Variants in ARHGAP44 observed in about 807,000 individuals in gnomAD.
ARHGAP44 encodes Rho GTPase activating protein 44, also known as rho GTPase-activating protein 44.
A neutral mutation model predicts 106.8 loss-of-function variants in ARHGAP44; 43 were observed. That is an observed-to-expected ratio of 0.40 (90% CI 0.32 to 0.52). The LOEUF is 0.52. Among genes scored for constraint, ARHGAP44 ranks in the 20% least tolerant of loss-of-function variants. The pLI is 0.48. For missense variants in ARHGAP44, 866 were observed against 1,050.5 expected (o/e 0.82, Z 2.43); for synonymous variants, 439 against 410.3 (o/e 1.07, Z -0.85).
intron 1 of ARHGAP44, among the ~76,000 whole-genome samples, chr17:12,841,631 C>A (rs1369827427): frequency 5.6e-5 from 6 of 106,378 alleles, no homozygotes; most frequent in Admixed American, 1.7e-4. Flanking sequence ...CACACACACA[C>A]ACACACACAA....
rs756061243 is a variant in ARHGAP44, at chr17:12,980,242, C to T, written c.1939+9C>T. ...TCACACCCTCCGGAAAGGTATGGCC[C>T]TGCTTCCCTTCTCCTTGGTCTCAGG... On this transcript the variant is annotated intron_variant, in intron 19 of 20. Coordinates refer to ENST00000379672, the MANE Select transcript of ARHGAP44 (RefSeq NM_014859.6). 4.4e-6 allele frequency: 7 copies of T among 1,599,072 alleles called. No individual in the cohort carries two copies. The highest frequency in any genetic ancestry group is 6.0e-6 in the Non-Finnish European group (7 of 1,172,042).
At chr17:12,938,203 T>C (rs2038604257) in intron 7 of ARHGAP44, among the ~76,000 whole-genome samples, 1 of 152,164 alleles carries the variant, frequency 6.6e-6, no homozygotes, top group South Asian at 2.1e-4. Context: ...CAAGAAGACA[T>C]TATAAAATTG....
chr17:12,789,709 C>T lies in ARHGAP44; in HGVS notation c.-130C>T, dbSNP rs1056401696. On this transcript the variant is annotated 5_prime_UTR_variant, in exon 1 of 21. Transcript: ENST00000379672. ...AGGGAGCTGCGCGCGGGCCAGACGG[C>T]GCCCGGAGGCTCCGCAGTGCCGCCG... The T allele has an allele frequency of 3.9e-6, 3 of 770,994 alleles. No homozygotes were observed. The highest frequency in any genetic ancestry group is 4.4e-5 in the Admixed American group (1 of 22,580). The allele number at this position is 770,994 out of a possible 1,614,324, so 47.8% of individuals were successfully genotyped here.
intron 1 of ARHGAP44, among the ~76,000 whole-genome samples, chr17:12,875,695 G>A (rs185435058): frequency 1.4e-4 from 21 of 152,312 alleles, no homozygotes; most frequent in African/African-American, 4.3e-4. Flanking sequence ...TGTAATCCCA[G>A]CACTTTGGGA....
rs114693973 is a variant in ARHGAP44, at chr17:12,929,746, A to G, written c.582+700A>G. Among the ~76,000 whole-genome samples the G allele has an allele frequency of 4.4e-3, 673 of 152,276 alleles. 6 individuals are homozygous for G. Among genetic ancestry groups the G allele is most frequent in the African/African-American group, 0.015 (614 of 41,552 alleles). On this transcript the variant is annotated intron_variant, in intron 7 of 20. Coordinates refer to ENST00000379672, the MANE Select transcript of ARHGAP44 (RefSeq NM_014859.6). ...TGCATATATGTCAGCTTGGGTTTCTAAGGAAACCAAAACTCTATTTAGACC... is the reference window on the plus strand; with the variant it reads ...TGCATATATGTCAGCTTGGGTTTCTGAGGAAACCAAAACTCTATTTAGACC...
chr17:12,891,960 T>C (rs2037061923), intron 1 of ARHGAP44, among the ~76,000 whole-genome samples: 1 of 118,530 alleles, frequency 8.4e-6, no homozygotes, highest in Non-Finnish European at 1.7e-5. Context: ...CACGCCCGGC[T>C]AATTTTTTGT....
intron 3 of ARHGAP44, 126 bp downstream of exon 3, chr17:12,896,637 G>C: frequency 2.6e-6 from 2 of 775,062 alleles, no homozygotes; most frequent in South Asian, 3.4e-5. Context: ...TGACTCAGCA[G>C]CTCTAGCTGC....
intron 7 of ARHGAP44, among the ~76,000 whole-genome samples, chr17:12,932,698 GTTTC>G (rs1259223348): frequency 2.0e-5 from 3 of 149,080 alleles, no homozygotes; most frequent in Admixed American, 6.7e-5. Context: ...TGAGGTAGGG[GTTTC>G]TTTCTTTCTT....
intron 1 of ARHGAP44, among the ~76,000 whole-genome samples, chr17:12,793,560 T>C (rs902912287): frequency 6.6e-6 from 1 of 152,016 alleles, no homozygotes; most frequent in Non-Finnish European, 1.5e-5. Context: ...ATACAAAAAT[T>C]AGCTGGGCAT....
intron 18 of ARHGAP44, among the ~76,000 whole-genome samples, chr17:12,976,227 C>G (rs1378369264): frequency 6.6e-6 from 1 of 152,086 alleles, no homozygotes; most frequent in African/African-American, 2.4e-5. Flanking sequence ...CACACCATCA[C>G]CACCAGCACA....
At chr17:12,828,636 CTTTTTTT>C (rs34860101) in intron 1 of ARHGAP44, among the ~76,000 whole-genome samples, 4 of 93,268 alleles carry the variant, frequency 4.3e-5, no homozygotes, top group Admixed American at 1.2e-4. Context: ...TTTTTTCTTT[CTTTTTTT>C]TTTTTTTTTT....
intron 16 of ARHGAP44, among the ~76,000 whole-genome samples, chr17:12,965,983 T>C (rs1370951967): frequency 6.6e-6 from 1 of 152,010 alleles, no homozygotes; most frequent in African/African-American, 2.4e-5. Flanking sequence ...TGAGACATCA[T>C]CTATACAAAC....
intron 19 of ARHGAP44, among the ~76,000 whole-genome samples, chr17:12,983,318 T>G (rs1159600549): frequency 6.7e-6 from 1 of 150,224 alleles, no homozygotes; most frequent in Non-Finnish European, 1.5e-5. Context: ...CAGTCCTCAC[T>G]TAAGCCTAAC....
intron 1 of ARHGAP44, among the ~76,000 whole-genome samples, chr17:12,876,167 C>G (rs2036551401): frequency 6.6e-6 from 1 of 152,208 alleles, no homozygotes; most frequent in East Asian, 1.9e-4. Context: ...TGTCCTAAGT[C>G]ATCCCAGGGC....
intron 1 of ARHGAP44, among the ~76,000 whole-genome samples, chr17:12,803,095 C>T (rs1178234194): frequency 1.3e-5 from 2 of 149,752 alleles, no homozygotes; most frequent in African/African-American, 4.9e-5. Context: ...GCCTCAGCCT[C>T]CCGAGTAGCT....
intron 16 of ARHGAP44, among the ~76,000 whole-genome samples, chr17:12,959,954 A>AT (rs1215146781): frequency 6.6e-6 from 1 of 152,230 alleles, no homozygotes; most frequent in Non-Finnish European, 1.5e-5. Flanking sequence ...AAGGTTGAAA[A>AT]TCCAAGAACT....
intron 18 of ARHGAP44, among the ~76,000 whole-genome samples, chr17:12,979,784 C>G (rs2039784803): frequency 6.6e-6 from 1 of 152,206 alleles, no homozygotes; most frequent in Admixed American, 6.5e-5. Flanking sequence ...TCACGGTCTC[C>G]TTGAAGAGAG....
intron 18 of ARHGAP44, among the ~76,000 whole-genome samples, chr17:12,978,527 A>G (rs1270062094): frequency 2.0e-5 from 3 of 148,196 alleles, no homozygotes; most frequent in Non-Finnish European, 3.0e-5. Context: ...CTTTGACGCT[A>G]TGGGCTTCCC....
At chr17:12,909,764 AG>A (rs532846202) in intron 4 of ARHGAP44, among the ~76,000 whole-genome samples, 28 of 152,280 alleles carry the variant, frequency 1.8e-4, no homozygotes, top group Admixed American at 3.3e-4. Flanking sequence ...ATAGGGAGAA[AG>A]GTAAGTTTGT....
Sources: allele counts gnomAD v4.1 joint callset (sites outside exome capture counted in the v4.1 genomes callset), GRCh38; gene constraint gnomAD v4.1.1; transcripts MANE v1.5; gene names NCBI Gene and HGNC (gene_info 2026-07-23, HGNC 2026-07-21).